VPS50: variants seen among roughly 807,000 people sequenced by gnomAD.
VPS50 encodes VPS50 subunit of EARP/GARPII complex, also known as syndetin.
In VPS50, 70 loss-of-function variants were observed where a neutral mutation model predicts 139.7. That is an observed-to-expected ratio of 0.50 (90% CI 0.41 to 0.61). VPS50 has a LOEUF of 0.61. VPS50 is among the 20% of genes least tolerant of loss of function. The probability of loss-of-function intolerance (pLI) is 0.00; values close to 1 mark genes in which losing one functional copy is unlikely to be tolerated. For missense variants in VPS50, 921 were observed against 1,133.7 expected, an observed-to-expected ratio of 0.81 and a Z score of 2.69; for synonymous variants, 365 against 376.7, an observed-to-expected ratio of 0.97 and a Z score of 0.36.
In VPS50 at chr7:93,358,607, A is replaced by G. The variant is rs572282314; in HGVS notation, c.*171A>G. The G allele has an allele frequency of 5.2e-6, 3 of 581,158 alleles. No homozygotes were observed. Among genetic ancestry groups the G allele is most frequent in the South Asian group, 4.4e-5 (2 of 45,840 alleles). The allele number at this position is 581,158 out of a possible 1,614,324, so 36.0% of individuals were successfully genotyped here. ...TGTGTGTGGTGTTCTCATGACTTTT[A>G]TATGCTGTGGTCTCTTCAACTTTTG... On this transcript the variant is annotated 3_prime_UTR_variant, in exon 28 of 28. Transcript: ENST00000305866.
At chr7:93,267,471 T>C (rs893585207) in intron 9 of VPS50, among the ~76,000 whole-genome samples, 1 of 152,174 alleles carries the variant, frequency 6.6e-6, no homozygotes, top group African/African-American at 2.4e-5. Context: ...CCATTTTTCT[T>C]TCAATTACAA....
At chr7:93,240,639 G>A (rs966790477) in intron 2 of VPS50, among the ~76,000 whole-genome samples, 2 of 152,120 alleles carry the variant, frequency 1.3e-5, no homozygotes, top group Admixed American at 6.6e-5. Flanking sequence ...AGATTAAGCT[G>A]GCACTTCTGA....
chr7:93,249,567 T>A (rs367666480), intron 2 of VPS50, among the ~76,000 whole-genome samples: 44 of 152,312 alleles, frequency 2.9e-4, no homozygotes, highest in African/African-American at 1.1e-3. Context: ...TTGGCTCTAT[T>A]TCTGATTTAA....
At chr7:93,250,045 C>T (rs1000662489) in intron 2 of VPS50, among the ~76,000 whole-genome samples, 4 of 151,542 alleles carry the variant, frequency 2.6e-5, no homozygotes, top group African/African-American at 9.7e-5. Flanking sequence ...ACTGATTGCA[C>T]GCTGACTCAG....
intron 2 of VPS50, among the ~76,000 whole-genome samples, chr7:93,246,975 T>G (rs1359915729): frequency 6.6e-6 from 1 of 151,980 alleles, no homozygotes; most frequent in Non-Finnish European, 1.5e-5. Context: ...GTAGCTTTGC[T>G]AAATCAAAGA....
intron 24 of VPS50, 107 bp from the exon 25 acceptor site, chr7:93,349,768 T>C: frequency 1.4e-6 from 1 of 735,088 alleles, no homozygotes; most frequent in Non-Finnish European, 2.2e-6. Flanking sequence ...AAATATATAG[T>C]GTTTTATTTT....
chr7:93,266,563 A>G (rs988308128), intron 9 of VPS50, among the ~76,000 whole-genome samples: 2 of 152,164 alleles, frequency 1.3e-5, no homozygotes, highest in Non-Finnish European at 2.9e-5. Context: ...TGGATAATTT[A>G]TTCCTAATAT....
intron 20 of VPS50, among the ~76,000 whole-genome samples, chr7:93,312,505 G>A (rs1345175195): frequency 6.6e-6 from 1 of 152,154 alleles, no homozygotes; most frequent in Non-Finnish European, 1.5e-5. Context: ...GATCTCATTA[G>A]TAGAAGTATC....
intron 26 of VPS50, among the ~76,000 whole-genome samples, chr7:93,355,515 A>T (rs141139044): frequency 6.6e-6 from 1 of 152,190 alleles, no homozygotes; most frequent in South Asian, 2.1e-4. Context: ...TAAAACTAAG[A>T]TTACTTTGAA....
Position 93,328,477 on chromosome 7 carries a change from G to T in VPS50, c.1977+4745G>T, listed in dbSNP as rs185647401. Among the ~76,000 whole-genome samples the T allele has an allele frequency of 1.6e-4, 25 of 152,262 alleles. No homozygotes were observed. The East Asian group carries it at 4.6e-3, about 28-fold the overall frequency. On this transcript the variant is annotated intron_variant, in intron 21 of 27. Coordinates refer to ENST00000305866, the MANE Select transcript of VPS50 (RefSeq NM_017667.4). Reference sequence around the variant, plus strand: ...TGAATTAACTTCCAATTCCGGGTATGACAGACTAAACCCTTTCTAGATAAG... The same window carrying T: ...TGAATTAACTTCCAATTCCGGGTATTACAGACTAAACCCTTTCTAGATAAG...
chr7:93,348,621 C>T (rs1030513048), intron 23 of VPS50, 90 bp from the exon 24 acceptor site: 3 of 882,390 alleles, frequency 3.4e-6, no homozygotes, highest in Non-Finnish European at 5.4e-6. Context: ...AAGTTTTGCT[C>T]AGAAATGTTA....
At chr7:93,301,161 G>A (rs1796963041) in intron 16 of VPS50, among the ~76,000 whole-genome samples, 1 of 152,118 alleles carries the variant, frequency 6.6e-6, no homozygotes, top group Non-Finnish European at 1.5e-5. Flanking sequence ...CCCGGGCGTG[G>A]TGGCGGGTGC....
intron 14 of VPS50, 57 bp from the exon 15 acceptor site, chr7:93,296,685 G>A (rs770035323): frequency 1.4e-4 from 226 of 1,567,796 alleles, no homozygotes; most frequent in Non-Finnish European, 1.7e-4. Flanking sequence ...AAATGCTTCT[G>A]ATAACTTATT....
At chr7:93,345,336 A>C (rs1482140828) in intron 23 of VPS50, among the ~76,000 whole-genome samples, 2 of 152,178 alleles carry the variant, frequency 1.3e-5, no homozygotes, top group Admixed American at 6.5e-5. Flanking sequence ...GGCAATAATC[A>C]ATAGCTTACC....
intron 23 of VPS50, among the ~76,000 whole-genome samples, chr7:93,345,384 A>G (rs1027233898): frequency 2.6e-5 from 4 of 152,156 alleles, no homozygotes; most frequent in East Asian, 1.9e-4. Flanking sequence ...ATTCACAGCC[A>G]AATTCTACCA....
chr7:93,245,145 T>G (rs953862379), intron 2 of VPS50, among the ~76,000 whole-genome samples: 3 of 151,652 alleles, frequency 2.0e-5, no homozygotes, highest in Non-Finnish European at 4.4e-5. Context: ...TAGGTAGAAA[T>G]GTATTCAGGA....
intron 20 of VPS50, 100 bp downstream of exon 20, chr7:93,311,372 T>G (rs1797261760): frequency 1.5e-6 from 1 of 676,928 alleles, no homozygotes; most frequent in Non-Finnish European, 2.7e-6. Context: ...ACTCCAGTGC[T>G]CTATGCAATG....
chr7:93,336,639 G>A (rs1419949931), intron 22 of VPS50, among the ~76,000 whole-genome samples: 2 of 151,924 alleles, frequency 1.3e-5, no homozygotes, highest in African/African-American at 2.4e-5. Flanking sequence ...TCAGCCTCCC[G>A]AGTAGCTGGA....
In VPS50 at chr7:93,311,237, T is replaced by C; in HGVS notation, c.1820T>C (p.Leu607Ser). The C allele has an allele frequency of 7.3e-7, 1 of 1,367,508 alleles. No homozygotes were observed. Among genetic ancestry groups the C allele is most frequent in the Non-Finnish European group, 1.0e-6 (1 of 955,322 alleles). 84.7% of individuals were successfully genotyped at this position (1,367,508 alleles called of 1,614,324 possible). Residue 607 changes from leucine (L) to serine (S), a missense_variant, in exon 20 of 28, where the codon TTA becomes TCA. Leu to Ser is a moderately radical substitution (Grantham distance 145). Around this residue, in one of 3 missense-constraint regions of VPS50, gnomAD observed 744 missense variants for 930.6 expected, o/e 0.80. Transcript: ENST00000305866. The part of the protein sequence containing the change: ...YSLNKVNAPI[L>S]TNTTLNVIRL... Reference sequence around the variant, plus strand: ...CTAAATAAAGTGAATGCACCTATCTTAACAAATACAACATTGAACGTCATA... The same window carrying C: ...CTAAATAAAGTGAATGCACCTATCTCAACAAATACAACATTGAACGTCATA...
Sources: gnomAD v4.1 joint callset for allele counts (sites outside exome capture counted in the v4.1 genomes callset) on GRCh38, gnomAD v4.1.1 for gene constraint, gnomAD v4.1.1 regional missense constraint, MANE v1.5 for transcripts, NCBI Gene and HGNC (gene_info 2026-07-23, HGNC 2026-07-21) for gene names.